The following ULK4 variants were observed in gnomAD, a reference collection of about 807,000 sequenced individuals.
The protein encoded by ULK4 is inactive serine/threonine-protein kinase ULK4.
Under a neutral mutation model 160.6 loss-of-function variants are expected in ULK4, and 133 were observed. The observed-to-expected ratio is 0.83, with a 90% CI of 0.72 to 0.96. The LOEUF is 0.96. ULK4 is among the 40% of genes least tolerant of loss of function. The pLI is 0.00. For missense variants in ULK4, 1,580 were observed against 1,499.5 expected, an observed-to-expected ratio of 1.05 and a Z score of -0.89; for synonymous variants, 534 against 539.8, an observed-to-expected ratio of 0.99 and a Z score of 0.15.
In ULK4 at chr3:41,900,619, G is replaced by GA. The variant is rs1364367945; in HGVS notation, c.1287+105dup. 8.6e-6 allele frequency: 8 copies of GA among 934,444 alleles called. No homozygotes were observed. The African/African-American group carries it at 1.3e-4, about 15-fold the overall frequency. The allele number at this position is 934,444 out of a possible 1,614,324, so 57.9% of individuals were successfully genotyped here. A position where few individuals can be genotyped will look rare whatever the true frequency, so the allele number is the denominator to read the frequency against. ...ACAAATGACACAGAAGCAGACAAGA[G>GA]AAACAGGAAAGATTATACAGTAAAT... On this transcript the variant is annotated intron_variant, in intron 13 of 36. Coordinates refer to ENST00000301831, the MANE Select transcript of ULK4 (RefSeq NM_017886.4).
Position 41,715,575 on chromosome 3 carries a change from A to G in ULK4, c.2456-7T>C, listed in dbSNP as rs1288758429. 1.2e-6 allele frequency: 2 copies of G among 1,614,092 alleles called. No homozygotes were observed. Among genetic ancestry groups the G allele is most frequent in the Non-Finnish European group, 1.7e-6 (2 of 1,180,010 alleles). Reference sequence around the variant, plus strand: ...AAGGAGTTAAGAATGTCACCTGTGAAGCACAGCCCAGAGCATATGTGGAGG... The same window carrying G: ...AAGGAGTTAAGAATGTCACCTGTGAGGCACAGCCCAGAGCATATGTGGAGG... On this transcript the variant is annotated splice_polypyrimidine_tract_variant and splice_region_variant and intron_variant, in intron 23 of 36. Transcript: ENST00000301831.
intron 35 of ULK4, among the ~76,000 whole-genome samples, chr3:41,290,481 T>C (rs2079538715): frequency 1.3e-5 from 2 of 152,124 alleles, no homozygotes; most frequent in African/African-American, 2.4e-5. Context: ...TCTTACTCTT[T>C]AGGTTATAGT....
chr3:41,506,655 C>T (rs528237013), intron 32 of ULK4, among the ~76,000 whole-genome samples: 7 of 150,460 alleles, frequency 4.7e-5, no homozygotes, highest in Non-Finnish European at 1.0e-4. Context: ...TCCTGACTTT[C>T]GACCATCAGT....
intron 27 of ULK4, among the ~76,000 whole-genome samples, chr3:41,697,855 T>C (rs1226709468): frequency 6.6e-6 from 1 of 152,220 alleles, no homozygotes; most frequent in South Asian, 2.1e-4. Flanking sequence ...TGCAGTAGTG[T>C]ATAGTAATGT....
chr3:41,786,598 CAAAA>C (rs34207417), intron 21 of ULK4, among the ~76,000 whole-genome samples: 1 of 64,132 alleles, frequency 1.6e-5, no homozygotes, highest in Non-Finnish European at 3.8e-5. Flanking sequence ...ATCCTGTCTC[CAAAA>C]AAAAAAAAAA....
At chr3:41,497,924 T>G (rs953598922) in intron 32 of ULK4, among the ~76,000 whole-genome samples, 1 of 152,068 alleles carries the variant, frequency 6.6e-6, no homozygotes, top group Non-Finnish European at 1.5e-5. Context: ...ACAACTGATA[T>G]AACTAATTAG....
At chr3:41,557,499 C>A (rs1691994) in intron 32 of ULK4, among the ~76,000 whole-genome samples, 1 of 151,516 alleles carries the variant, frequency 6.6e-6, no homozygotes, top group Non-Finnish European at 1.5e-5. Context: ...TGGTGGCTCA[C>A]ACCTGTAATA....
Position 41,718,036 on chromosome 3 carries a change from T to C in ULK4, c.2322-175A>G, listed in dbSNP as rs948435130. ...TGCCTCAGAAAACTCAAAACATCTA[T>C]AAAGAAAGAAAATAAAGCAACTTCA... On this transcript the variant is annotated intron_variant, in intron 22 of 36. Coordinates refer to ENST00000301831, the MANE Select transcript of ULK4 (RefSeq NM_017886.4). Among the ~76,000 whole-genome samples the C allele has an allele frequency of 5.0e-4, 76 of 152,178 alleles. 1 individual carries two copies. Among genetic ancestry groups the C allele is most frequent in the Non-Finnish European group, 1.6e-4 (11 of 68,028 alleles).
intron 30 of ULK4, among the ~76,000 whole-genome samples, chr3:41,638,504 C>G (rs147139483): frequency 2.2e-3 from 337 of 152,320 alleles, no homozygotes; most frequent in African/African-American, 7.7e-3. Flanking sequence ...ACCATGACTT[C>G]ACCGCCTGGG....
intron 16 of ULK4, among the ~76,000 whole-genome samples, chr3:41,891,485 GA>G (rs75147888): frequency 0.012 from 1,538 of 130,362 alleles, 29 homozygotes; most frequent in African/African-American, 0.038. Context: ...ACAGAAGAGG[GA>G]AAAAAAAAAA....
intron 18 of ULK4, among the ~76,000 whole-genome samples, chr3:41,824,021 G>C (rs2041244950): frequency 6.6e-6 from 1 of 152,050 alleles, no homozygotes; most frequent in Non-Finnish European, 1.5e-5. Flanking sequence ...AAATTAGCCA[G>C]GTGTGGTGGT....
intron 17 of ULK4, among the ~76,000 whole-genome samples, chr3:41,862,789 T>A: frequency 7.5e-6 from 1 of 133,118 alleles, no homozygotes; most frequent in Non-Finnish European, 1.7e-5. Context: ...CTCTCTCCGC[T>A]CCCCCCCCCC....
At chr3:41,781,945 AC>A (rs1251498014) in intron 21 of ULK4, among the ~76,000 whole-genome samples, 1 of 152,246 alleles carries the variant, frequency 6.6e-6, no homozygotes, top group Non-Finnish European at 1.5e-5. Flanking sequence ...ACCTAAAAAA[AC>A]AAACAAACAT....
chr3:41,274,330 T>C (rs1435185705), intron 35 of ULK4, among the ~76,000 whole-genome samples: 1 of 152,212 alleles, frequency 6.6e-6, no homozygotes, highest in Admixed American at 6.5e-5. Flanking sequence ...GGTTTCACTT[T>C]TGTGCATGTG....
intron 32 of ULK4, among the ~76,000 whole-genome samples, chr3:41,544,602 T>C (rs887659788): frequency 2.6e-5 from 4 of 152,192 alleles, no homozygotes; most frequent in African/African-American, 9.7e-5. Flanking sequence ...CTTCACAAAC[T>C]CTTCTTTGCT....
intron 31 of ULK4, among the ~76,000 whole-genome samples, chr3:41,567,017 C>CTACG (rs1387484728): frequency 1.3e-5 from 2 of 152,170 alleles, no homozygotes; most frequent in Non-Finnish European, 2.9e-5. Context: ...TTGCCCTGCT[C>CTACG]TACGTCCTGC....
At position 41,951,144 on chromosome 3, in the gene ULK4, CAAAAAAAAAA is replaced by C. The variant is rs34524276; in HGVS notation, c.138+3468_138+3477del. On this transcript the variant is annotated intron_variant, in intron 2 of 36. Transcript: ENST00000301831. The stretch of plus-strand genomic sequence containing the variant: ...TGGAGGACAGAGCGAGGCTTCGTCT[CAAAAAAAAAA>C]AAAAAAAAAAAAAAGACACAAATAA... Among the ~76,000 whole-genome samples the C allele has an allele frequency of 4.7e-3, 302 of 64,678 alleles. 1 individual carries two copies. Among genetic ancestry groups the C allele is most frequent in the Non-Finnish European group, 6.2e-3 (243 of 39,308 alleles). The allele number at this position is 64,678 out of a possible 152,430, so 42.4% of individuals were successfully genotyped here. A position where few individuals can be genotyped will look rare whatever the true frequency, so the allele number is the denominator to read the frequency against.
intron 34 of ULK4, among the ~76,000 whole-genome samples, chr3:41,449,624 A>G (rs2083381590): frequency 6.6e-6 from 1 of 152,102 alleles, no homozygotes; most frequent in Non-Finnish European, 1.5e-5. Flanking sequence ...CTGACTGTGA[A>G]GTCAGCAGGA....
chr3:41,593,396 A>ACATG (rs1463621771), intron 31 of ULK4, among the ~76,000 whole-genome samples: 1 of 140,570 alleles, frequency 7.1e-6, no homozygotes, highest in Non-Finnish European at 1.6e-5. Context: ...TACCCTACAC[A>ACATG]CATGCATGCA....
Sources: gnomAD v4.1 joint callset for allele counts (sites outside exome capture counted in the v4.1 genomes callset) on GRCh38, gnomAD v4.1.1 for gene constraint, MANE v1.5 for transcripts, NCBI Gene and HGNC (gene_info 2026-07-23, HGNC 2026-07-21) for gene names.